Variants in EXOC2 observed in about 807,000 individuals in gnomAD.
EXOC2 encodes the protein SEC5-like 1.
A neutral mutation model predicts 131.8 loss-of-function variants in EXOC2; 70 were observed. That is an observed-to-expected ratio of 0.53 (90% CI 0.44 to 0.65). EXOC2 has a LOEUF of 0.65. EXOC2 is among the 30% of genes least tolerant of loss of function. The probability of loss-of-function intolerance (pLI) is 0.00; values close to 1 mark genes in which losing one functional copy is unlikely to be tolerated. For missense variants in EXOC2, 923 were observed against 1,108.6 expected (o/e 0.83, Z 2.38); for synonymous variants, 411 against 398.4 (o/e 1.03, Z -0.38).
intron 1 of EXOC2, among the ~76,000 whole-genome samples, chr6:650,378 C>T (rs1762775877): frequency 6.6e-6 from 1 of 152,156 alleles, no homozygotes; most frequent in Non-Finnish European, 1.5e-5. Flanking sequence ...CTTTACAAAG[C>T]TTTTAAATTC....
At chr6:662,734 C>A (rs1763475456) in intron 1 of EXOC2, among the ~76,000 whole-genome samples, 1 of 152,278 alleles carries the variant, frequency 6.6e-6, no homozygotes, top group Admixed American at 6.5e-5. Context: ...TCTAAGGTCA[C>A]ACCTCAAGGA....
intron 23 of EXOC2, among the ~76,000 whole-genome samples, chr6:503,807 C>T (rs78275601): frequency 0.021 from 3,131 of 152,192 alleles, 117 homozygotes; most frequent in African/African-American, 0.071. Context: ...CTCTTCACTC[C>T]GGCCACAGCT....
At chr6:581,739 G>GA (rs59647437) in intron 11 of EXOC2, among the ~76,000 whole-genome samples, 47,085 of 150,410 alleles carry the variant, frequency 0.31, 7,477 homozygotes, top group African/African-American at 0.38. Flanking sequence ...ATCTTGGAAG[G>GA]AAAAAAAAAT....
intron 1 of EXOC2, among the ~76,000 whole-genome samples, chr6:678,948 ATAGAGT>A (rs1170326755): frequency 1.3e-5 from 2 of 152,190 alleles, no homozygotes; most frequent in Non-Finnish European, 2.9e-5. Context: ...TCAAACATCT[ATAGAGT>A]TAAAGAATTC....
intron 26 of EXOC2, 72 bp downstream of exon 26, chr6:491,053 G>C: frequency 1.3e-6 from 2 of 1,482,182 alleles, no homozygotes; most frequent in Non-Finnish European, 1.9e-6. Flanking sequence ...CATCTTTACA[G>C]AGGACAGAAT....
intron 25 of EXOC2, among the ~76,000 whole-genome samples, chr6:495,383 C>T (rs1014059366): frequency 4.6e-5 from 7 of 152,106 alleles, no homozygotes; most frequent in Admixed American, 4.6e-4. Context: ...CTCGGCCTCC[C>T]AAAGTGCTGG....
At chr6:489,248 A>T (rs2127464916) in intron 26 of EXOC2, among the ~76,000 whole-genome samples, 1 of 152,366 alleles carries the variant, frequency 6.6e-6, no homozygotes, top group South Asian at 2.1e-4. Context: ...CGGGGTCAGA[A>T]AAACTCAAAT....
intron 22 of EXOC2, among the ~76,000 whole-genome samples, chr6:544,595 A>G (rs574343367): frequency 6.6e-6 from 1 of 152,370 alleles, no homozygotes; most frequent in Non-Finnish European, 1.5e-5. Context: ...ACATATATAT[A>G]GAGATAATAC....
rs1763069988 is a variant in EXOC2 at position 656,175 on chromosome 6, T to C, written c.-43-18314A>G. ...AACCAAAACAAGCTGAAGAAGAGTA[T>C]TGTCCCAAATATTGCACAGGGCCGT... On this transcript the variant is annotated intron_variant, in intron 1 of 27. Coordinates refer to ENST00000230449, the MANE Select transcript of EXOC2 (RefSeq NM_018303.6). The C allele has an allele frequency of 3.1e-6, 5 of 1,614,024 alleles. No homozygotes were observed. The South Asian group carries it at 3.3e-5, about 11-fold the overall frequency.
intron 1 of EXOC2, chr6:656,126 A>G (rs1763065743): frequency 6.2e-7 from 1 of 1,609,798 alleles, no homozygotes; most frequent in Non-Finnish European, 8.5e-7. Context: ...CAGGAATGAA[A>G]TACTGAAGAG....
rs149194748 is a variant in EXOC2 at position 560,510 on chromosome 6, C to T, written c.1851+2274G>A. 6.6e-3 allele frequency among the ~76,000 whole-genome samples: 1,009 copies of T among 152,310 alleles called. 6 individuals carry two copies. Among genetic ancestry groups the T allele is most frequent in the Middle Eastern group, 0.031 (9 of 294 alleles). Reference sequence around the variant, plus strand: ...CAATTTTCATATAATCTATTTAATGCAGTCTATCCAAATATTATTATTTCC... The same window carrying T: ...CAATTTTCATATAATCTATTTAATGTAGTCTATCCAAATATTATTATTTCC... On this transcript the variant is annotated intron_variant, in intron 17 of 27. Transcript: ENST00000230449.
At chr6:656,560 C>G (rs370937142) in intron 1 of EXOC2, 1 of 1,594,594 alleles carries the variant, frequency 6.3e-7, no homozygotes. Context: ...AGATCGTGCA[C>G]CACGCTGCGA....
intron 1 of EXOC2, among the ~76,000 whole-genome samples, chr6:673,338 T>C (rs1050537793): frequency 6.6e-6 from 1 of 151,334 alleles, no homozygotes; most frequent in Non-Finnish European, 1.5e-5. Flanking sequence ...TGTCTTTTAT[T>C]TGCACTGGTT....
chr6:606,542 T>C (rs1475926497), intron 7 of EXOC2, among the ~76,000 whole-genome samples: 1 of 152,264 alleles, frequency 6.6e-6, no homozygotes, highest in East Asian at 1.9e-4. Flanking sequence ...TTCTTTTTTG[T>C]TGTAATATTT....
intron 16 of EXOC2, 77 bp downstream of exon 16, chr6:563,956 G>A: frequency 1.3e-6 from 2 of 1,532,242 alleles, no homozygotes; most frequent in East Asian, 2.3e-5. Context: ...TTGTTTTCAA[G>A]GATTTGGACA....
At chr6:592,857 C>T (rs554491426) in intron 10 of EXOC2, among the ~76,000 whole-genome samples, 27 of 151,974 alleles carry the variant, frequency 1.8e-4, no homozygotes, top group African/African-American at 6.0e-4. Flanking sequence ...GAAACCCCGT[C>T]GCTACTAAAA....
chr6:520,883 GCGCCAACAC>G (rs1765391636), intron 23 of EXOC2, among the ~76,000 whole-genome samples: 1 of 136,540 alleles, frequency 7.3e-6, no homozygotes. Context: ...CACCCACCGA[GCGCCAACAC>G]TCACCGTCCA....
chr6:541,076 C>T (rs899117291), intron 22 of EXOC2, among the ~76,000 whole-genome samples: 6 of 152,158 alleles, frequency 3.9e-5, no homozygotes, highest in Non-Finnish European at 5.9e-5. Context: ...AGAAAACTGT[C>T]CACATATGAG....
chr6:515,574 A>G lies in EXOC2; in HGVS notation c.2381-15874T>C, dbSNP rs923622508. Among the ~76,000 whole-genome samples the G allele has an allele frequency of 9.3e-5, 14 of 151,198 alleles. No homozygotes were observed. In the South Asian group the frequency reaches 1.0e-3, roughly 11 times the overall value. On this transcript the variant is annotated intron_variant, in intron 23 of 27. Transcript: ENST00000230449. ...GTGCTAGGGTGACAGGGCACACGGC[A>G]GTCCTAGGAGGGAGCGAGAAGCCAG...
Sources: gnomAD v4.1 joint callset for allele counts (sites outside exome capture counted in the v4.1 genomes callset) on GRCh38, gnomAD v4.1.1 for gene constraint, MANE v1.5 for transcripts, NCBI Gene and HGNC (gene_info 2026-07-23, HGNC 2026-07-21) for gene names.